The following CCL4 variants were observed in gnomAD, a reference collection of about 807,000 sequenced individuals.
CCL4 encodes the protein C-C motif chemokine 4.
Under a neutral mutation model 10.3 loss-of-function variants are expected in CCL4, and 8 were observed. The ratio of observed to expected loss-of-function variants is 0.77; its 90% confidence interval spans 0.45 to 1.39. CCL4 has a LOEUF of 1.39. CCL4 is among the 40% of genes most tolerant of loss of function. CCL4 has a pLI of 0.00. For missense variants in CCL4, 106 were observed against 111.2 expected (o/e 0.95, Z 0.21); for synonymous variants, 35 against 44.3 (o/e 0.79, Z 0.83).
At position 36,104,026 on chromosome 17, in the gene CCL4, A is replaced by G. The variant is rs368320560; in HGVS notation, c.76+45A>G. ...TGCTATTTCGAGTCAAGGTGTAGGC[A>G]GAGTCCTTTTTTCTAGTCATGGCTG... On this transcript the variant is annotated intron_variant, in intron 1 of 2. Coordinates refer to ENST00000615863, the MANE Select transcript of CCL4 (RefSeq NM_002984.4). 7.9e-4 allele frequency: 1,272 copies of G among 1,611,838 alleles called. 11 individuals carry two copies. In the South Asian group the frequency reaches 0.013, roughly 17 times the overall value.
intron 2 of CCL4, 150 bp from the exon 3 acceptor site, chr17:36,105,075 A>T: frequency 1.1e-6 from 1 of 873,374 alleles, no homozygotes. Flanking sequence ...AGTTACAGGG[A>T]GTCTGCTTCC....
At position 36,104,019 on chromosome 17, in the gene CCL4, T is replaced by C. The variant is rs777408718; in HGVS notation, c.76+38T>C. 14 of 1,612,896 alleles carry C rather than the reference T, an allele frequency of 8.7e-6. No individual in the cohort carries two copies. In the Admixed American group the frequency reaches 2.0e-4, roughly 23 times the overall value. On this transcript the variant is annotated intron_variant, in intron 1 of 2. Coordinates refer to ENST00000615863, the MANE Select transcript of CCL4 (RefSeq NM_002984.4). ...TTGCAGCTGCTATTTCGAGTCAAGGTGTAGGCAGAGTCCTTTTTTCTAGTC... is the reference window on the plus strand; with the variant it reads ...TTGCAGCTGCTATTTCGAGTCAAGGCGTAGGCAGAGTCCTTTTTTCTAGTC...
chr17:36,104,894 G>A, intron 2 of CCL4: 1 of 687,466 alleles, frequency 1.5e-6, no homozygotes, highest in South Asian at 1.6e-5. Context: ...GGGGAAGGCA[G>A]ACAGGTCCCA....
At chr17:36,104,292 T>C in intron 1 of CCL4, 1 of 706,828 alleles carries the variant, frequency 1.4e-6, no homozygotes, top group African/African-American at 1.7e-5. Flanking sequence ...CCATCTGTCA[T>C]ATGAAGGGAG....
At chr17:36,104,817 C>T (rs543938985) in intron 2 of CCL4, 175 bp downstream of exon 2, 25 of 859,096 alleles carry the variant, frequency 2.9e-5, no homozygotes, top group Admixed American at 1.6e-4. Flanking sequence ...GTGCTGAAGG[C>T]GGCAGAGTGG....
chr17:36,104,917 C>CA, intron 2 of CCL4: 1 of 695,956 alleles, frequency 1.4e-6, no homozygotes, highest in Non-Finnish European at 2.6e-6. Flanking sequence ...AGATATGGAC[C>CA]GATTCCTTAA....
rs367933726 is a variant in CCL4 at position 36,105,344 on chromosome 17, G to T, written c.*32G>T. 6.2e-7 allele frequency: 1 copy of T among 1,605,040 alleles called. No homozygotes were observed. Among genetic ancestry groups the T allele is most frequent in the Non-Finnish European group, 8.5e-7 (1 of 1,171,704 alleles). ...CAGAGACAGGAAGTCTTCAGGGAAG[G>T]TCACCTGAGCCCGGATGCTTCTCCA... is the stretch of plus-strand genomic sequence containing the variant. On this transcript the variant is annotated 3_prime_UTR_variant, in exon 3 of 3. Transcript: ENST00000615863.
intron 1 of CCL4, chr17:36,104,235 A>G: frequency 1.4e-6 from 1 of 707,010 alleles, no homozygotes; most frequent in South Asian, 1.5e-5. Flanking sequence ...TCTGCCTTTA[A>G]TTATTTGTTC....
chr17:36,105,460 T>C lies in CCL4; in HGVS notation c.*148T>C. On this transcript the variant is annotated 3_prime_UTR_variant, in exon 3 of 3. Coordinates refer to ENST00000615863, the MANE Select transcript of CCL4 (RefSeq NM_002984.4). ...CTTTTTTATGTGCCGTGTTATTGTATTAGGTGTCATTTCCATTATTTATAT... is the reference window on the plus strand; with the variant it reads ...CTTTTTTATGTGCCGTGTTATTGTACTAGGTGTCATTTCCATTATTTATAT... The C allele has an allele frequency of 3.7e-6, 3 of 804,740 alleles. No individual in the cohort carries two copies. Among genetic ancestry groups the C allele is most frequent in the South Asian group, 3.2e-5 (2 of 63,336 alleles). 49.8% of individuals were successfully genotyped at this position (804,740 alleles called of 1,614,324 possible).
chr17:36,104,822 G>A, intron 2 of CCL4, 180 bp downstream of exon 2: 3 of 831,826 alleles, frequency 3.6e-6, no homozygotes, highest in Non-Finnish European at 6.0e-6. Flanking sequence ...GAAGGCGGCA[G>A]AGTGGGAGCC....
At chr17:36,104,730 G>A in intron 2 of CCL4, 88 bp downstream of exon 2, 1 of 1,543,550 alleles carries the variant, frequency 6.5e-7, no homozygotes, top group Non-Finnish European at 8.9e-7. Context: ...GGGTGATTGA[G>A]CATTGGGGAG....
rs755772909 is a variant in CCL4 at position 36,104,614 on chromosome 17, A to C, written c.163A>C (p.Ser55Arg). The change falls in exon 2 of 3, where the codon AGC becomes CGC. Residue 55 changes from serine to arginine, a missense_variant. Physicochemically the swap from Ser to Arg is moderately radical, Grantham distance 110 (BLOSUM62 -1). Coordinates refer to ENST00000615863, the MANE Select transcript of CCL4 (RefSeq NM_002984.4). ...CTTTGTGGTAGATTACTATGAGACC[A>C]GCAGCCTCTGCTCCCAGCCAGCTGT... ...RNFVVDYYET[S>R]SLCSQPAVVF... The C allele has an allele frequency of 6.2e-7, 1 of 1,613,798 alleles. No individual in the cohort carries two copies. The highest frequency in any genetic ancestry group is 1.7e-5 in the Admixed American group (1 of 60,024).
Position 36,104,655 on chromosome 17 carries a change from C to T in CCL4, c.191+13C>T, listed in dbSNP as rs2067145570. On this transcript the variant is annotated intron_variant, in intron 2 of 2. Coordinates refer to ENST00000615863, the MANE Select transcript of CCL4 (RefSeq NM_002984.4). ...AGCCAGCTGTGGTGTGAGTATCAACCCCTGGGCTGCCCTGGGAGGCAAGGG... is the reference window on the plus strand; with the variant it reads ...AGCCAGCTGTGGTGTGAGTATCAACTCCTGGGCTGCCCTGGGAGGCAAGGG... 3.1e-6 allele frequency: 5 copies of T among 1,613,634 alleles called. No homozygotes were observed. The highest frequency in any genetic ancestry group is 4.2e-6 in the Non-Finnish European group (5 of 1,179,806).
intron 2 of CCL4, 165 bp downstream of exon 2, chr17:36,104,807 GT>G (rs1321825903): frequency 4.3e-6 from 4 of 921,796 alleles, no homozygotes; most frequent in Non-Finnish European, 6.9e-6. Flanking sequence ...CACTTTTCAA[GT>G]GCTGAAGGCG....
intron 2 of CCL4, chr17:36,104,930 C>T (rs754393683): frequency 2.6e-4 from 182 of 700,852 alleles, no homozygotes; most frequent in South Asian, 5.1e-4. Context: ...TTCCTTAAAC[C>T]GTGCTAGAAA....
chr17:36,104,673 G>T (rs1409123513), intron 2 of CCL4, 31 bp downstream of exon 2: 1 of 1,613,654 alleles, frequency 6.2e-7, no homozygotes, highest in East Asian at 2.2e-5. Context: ...TGCCCTGGGA[G>T]GCAAGGGTGA....
In CCL4 at chr17:36,104,918, G is replaced by A. The variant is rs193249945; in HGVS notation, c.191+276G>A. 8.5e-4 allele frequency: 595 copies of A among 696,278 alleles called. 12 individuals are homozygous for A. The Admixed American group carries it at 9.8e-3, about 11-fold the overall frequency. The allele number at this position is 696,278 out of a possible 1,614,324, so 43.1% of individuals were successfully genotyped here. A position where few individuals can be genotyped will look rare whatever the true frequency, so the allele number is the denominator to read the frequency against. On this transcript the variant is annotated intron_variant, in intron 2 of 2. Transcript: ENST00000615863. Reference sequence around the variant, plus strand: ...AGACAGGTCCCATGAGATATGGACCGATTCCTTAAACCGTGCTAGAAAGAC... The same window carrying A: ...AGACAGGTCCCATGAGATATGGACCAATTCCTTAAACCGTGCTAGAAAGAC...
Position 36,105,469 on chromosome 17 carries a change from A to T in CCL4, c.*157A>T. The T allele has an allele frequency of 1.3e-6, 1 of 763,742 alleles. No individual in the cohort carries two copies. The highest frequency in any genetic ancestry group is 2.3e-5 in the Admixed American group (1 of 42,638). 47.3% of individuals were successfully genotyped at this position (763,742 alleles called of 1,614,324 possible). A position where few individuals can be genotyped will look rare whatever the true frequency, so the allele number is the denominator to read the frequency against. On this transcript the variant is annotated 3_prime_UTR_variant, in exon 3 of 3. Coordinates refer to ENST00000615863, the MANE Select transcript of CCL4 (RefSeq NM_002984.4). Reference sequence around the variant, plus strand: ...GTGCCGTGTTATTGTATTAGGTGTCATTTCCATTATTTATATTAGTTTAGC... The same window carrying T: ...GTGCCGTGTTATTGTATTAGGTGTCTTTTCCATTATTTATATTAGTTTAGC...
In CCL4 at chr17:36,103,982, G is replaced by C; in HGVS notation, c.76+1G>C. 6.2e-7 allele frequency: 1 copy of C among 1,613,936 alleles called. No homozygotes were observed. Among genetic ancestry groups the C allele is most frequent in the African/African-American group, 1.3e-5 (1 of 75,020 alleles). On this transcript the variant is annotated splice_donor_variant, in intron 1 of 2. Transcript: ENST00000615863. LOFTEE classifies it high-confidence loss of function. The stretch of plus-strand genomic sequence containing the variant: ...TGCTCTCCAGCGCTCTCAGCACCAA[G>C]TAAGTCTACTTTTGCAGCTGCTATT...
Sources: allele counts gnomAD v4.1 joint callset, GRCh38; gene constraint gnomAD v4.1.1; transcripts MANE v1.5; gene names NCBI Gene and HGNC (gene_info 2026-07-23, HGNC 2026-07-21).